Variants in ARHGAP11A observed in about 807,000 individuals in gnomAD.
The protein encoded by ARHGAP11A is Rho GTPase activating protein 11A, also known as rho GTPase-activating protein 11A.
ARHGAP11A carries 36 observed loss-of-function variants against 60.5 expected under a neutral mutation model. The observed-to-expected ratio is 0.59, with a 90% confidence interval of 0.46 to 0.79. ARHGAP11A has a LOEUF of 0.79. Among genes scored for constraint, ARHGAP11A ranks in the 30% least tolerant of loss-of-function variants. The pLI is 0.00. For synonymous variants in ARHGAP11A, 362 were observed against 415.5 expected (o/e 0.87, Z 1.57); for missense variants, 1,071 against 1,199.2 (o/e 0.89, Z 1.58).
Position 32,620,148 on chromosome 15 carries a change from C to G in ARHGAP11A, c.170C>G (p.Ser57Cys). ...GTACCTTTTAATGCACTGCCCCATT[C>G]TGCTGTACCAGAATATGGACACATT... ...FGVPFNALPHSAVPEYGHIPS... is the reference protein window; with the variant it reads ...FGVPFNALPHCAVPEYGHIPS... The change falls in exon 2 of 12, where the codon TCT becomes TGT. Residue 57 changes from serine (S) to cysteine (C), a missense_variant. This residue lies in a region of ARHGAP11A where 71 missense variants were observed against 142.4 expected (regional missense o/e 0.50). Coordinates refer to ENST00000361627, the MANE Select transcript of ARHGAP11A (RefSeq NM_014783.6). 6.2e-7 allele frequency: 1 copy of G among 1,612,172 alleles called. No individual in the cohort carries two copies. The highest frequency in any genetic ancestry group is 8.5e-7 in the Non-Finnish European group (1 of 1,179,176).
intron 3 of ARHGAP11A, 43 bp downstream of exon 3, chr15:32,623,631 T>C (rs1428794597): frequency 6.3e-7 from 1 of 1,583,984 alleles, no homozygotes. Context: ...TTGAGCCATT[T>C]TCTGATTTGG....
intron 10 of ARHGAP11A, among the ~76,000 whole-genome samples, chr15:32,634,478 C>G (rs184744303): frequency 1.6e-3 from 237 of 152,280 alleles, no homozygotes; most frequent in Non-Finnish European, 1.8e-3. Context: ...TTTGGAGCAT[C>G]CAGAACTTTG....
Position 32,615,904 on chromosome 15 carries a change from C to T in ARHGAP11A, c.-308C>T, listed in dbSNP as rs1449092425. On this transcript the variant is annotated 5_prime_UTR_variant, in exon 1 of 12. Coordinates refer to ENST00000361627, the MANE Select transcript of ARHGAP11A (RefSeq NM_014783.6). ...GCAATAGACGAGAAACCGAAAGAATCAGAAAGAAGTCTATGTGAGTAGCTG... is the reference window on the plus strand; with the variant it reads ...GCAATAGACGAGAAACCGAAAGAATTAGAAAGAAGTCTATGTGAGTAGCTG... The T allele has an allele frequency of 1.3e-5, 5 of 399,938 alleles. No individual in the cohort carries two copies. Among genetic ancestry groups the T allele is most frequent in the Non-Finnish European group, 2.2e-5 (5 of 223,564 alleles). The allele number at this position is 399,938 out of a possible 1,614,324, so 24.8% of individuals were successfully genotyped here.
chr15:32,630,724 A>C (rs1010588078), intron 8 of ARHGAP11A, among the ~76,000 whole-genome samples: 7 of 152,100 alleles, frequency 4.6e-5, no homozygotes, highest in African/African-American at 7.2e-5. Context: ...TAGCAACTTG[A>C]GGTTTTCCAG....
intron 6 of ARHGAP11A, 102 bp from the exon 7 acceptor site, chr15:32,628,626 A>T: frequency 1.2e-6 from 1 of 845,082 alleles, no homozygotes; most frequent in Admixed American, 3.1e-5. Context: ...TTATAAGCCG[A>T]TGTAAAGTTA....
chr15:32,621,325 G>C (rs2053298664), intron 2 of ARHGAP11A, among the ~76,000 whole-genome samples: 1 of 151,388 alleles, frequency 6.6e-6, no homozygotes, highest in Admixed American at 6.6e-5. Context: ...GGAGTAGCTG[G>C]GATTACAGGT....
intron 2 of ARHGAP11A, among the ~76,000 whole-genome samples, chr15:32,620,544 A>C (rs1164784044): frequency 6.6e-6 from 1 of 151,826 alleles, no homozygotes; most frequent in African/African-American, 2.4e-5. Flanking sequence ...TTAATCTCTC[A>C]TAATGTTAAA....
chr15:32,632,513 T>C (rs1488717438), intron 8 of ARHGAP11A, among the ~76,000 whole-genome samples: 4 of 152,222 alleles, frequency 2.6e-5, no homozygotes, highest in Non-Finnish European at 5.9e-5. Flanking sequence ...TGTTTGCCAA[T>C]AGCTTATTTT....
chr15:32,623,424 C>T (rs1212481216), intron 2 of ARHGAP11A, 68 bp from the exon 3 acceptor site: 17 of 1,430,090 alleles, frequency 1.2e-5, no homozygotes, highest in Non-Finnish European at 1.7e-5. Context: ...TTGGCCTGCT[C>T]ATGTATGTTA....
At chr15:32,634,145 T>A in intron 10 of ARHGAP11A, 104 bp downstream of exon 10, 1 of 752,302 alleles carries the variant, frequency 1.3e-6, no homozygotes, top group Non-Finnish European at 2.1e-6. Flanking sequence ...ACTGTCTCAT[T>A]CTGTTCTTTT....
chr15:32,629,539 A>G (rs898758834), intron 7 of ARHGAP11A, 56 bp from the exon 8 acceptor site: 2 of 1,441,784 alleles, frequency 1.4e-6, no homozygotes, highest in African/African-American at 1.4e-5. Flanking sequence ...TAAAGCTTTT[A>G]TATGTTGTCA....
At position 32,618,881 on chromosome 15, in the gene ARHGAP11A, G is replaced by A. The variant is rs570675086; in HGVS notation, c.130-1227G>A. 6.6e-5 allele frequency among the ~76,000 whole-genome samples: 10 copies of A among 152,180 alleles called. No homozygotes were observed. The South Asian group carries it at 1.9e-3, about 28-fold the overall frequency. On this transcript the variant is annotated intron_variant, in intron 1 of 11. Transcript: ENST00000361627. Reference sequence around the variant, plus strand: ...GCAGGAGAATGGGTGAACCCGGGAGGCGGAGCTTGCAGTGAGCCGAGATTG... The same window carrying A: ...GCAGGAGAATGGGTGAACCCGGGAGACGGAGCTTGCAGTGAGCCGAGATTG...
intron 2 of ARHGAP11A, among the ~76,000 whole-genome samples, chr15:32,621,556 G>T (rs545147392): frequency 6.6e-6 from 1 of 152,224 alleles, no homozygotes; most frequent in African/African-American, 2.4e-5. Flanking sequence ...CCGGGCGCCG[G>T]GGCTCACGCC....
chr15:32,635,767 T>G lies in ARHGAP11A; in HGVS notation c.1345-10T>G. On this transcript the variant is annotated splice_polypyrimidine_tract_variant and intron_variant, in intron 10 of 11. Coordinates refer to ENST00000361627, the MANE Select transcript of ARHGAP11A (RefSeq NM_014783.6). The stretch of plus-strand genomic sequence containing the variant: ...TATTTCTTAACTAAAACTTTTTTTT[T>G]TCTGTACAGAATGGATGTTCTGGTG... The G allele has an allele frequency of 6.7e-7, 1 of 1,503,014 alleles. No homozygotes were observed. The highest frequency in any genetic ancestry group is 1.4e-5 in the South Asian group (1 of 72,604). 93.1% of individuals were successfully genotyped at this position (1,503,014 alleles called of 1,614,324 possible).
At chr15:32,627,487 T>C (rs2053488723) in intron 6 of ARHGAP11A, among the ~76,000 whole-genome samples, 1 of 152,036 alleles carries the variant, frequency 6.6e-6, no homozygotes, top group South Asian at 2.1e-4. Context: ...TCCAGCACTT[T>C]GGGAGGCCAA....
Position 32,637,781 on chromosome 15 carries a change from G to C in ARHGAP11A, c.3008G>C (p.Gly1003Ala). 6.2e-7 allele frequency: 1 copy of C among 1,610,356 alleles called. No individual in the cohort carries two copies. Among genetic ancestry groups the C allele is most frequent in the Non-Finnish European group, 8.5e-7 (1 of 1,179,082 alleles). The part of the protein sequence containing the change: ...PSERGRAWYK[G>A]SPKHPIGKTQ... ...GAAAGAGGAAGGGCCTGGTACAAAG[G>C]TTCTCCAAAACATCCTATCGGAAAA... The change falls in exon 12 of 12, where the codon GGT (glycine) becomes GCT (alanine). Residue 1003 changes from glycine to alanine, a missense_variant. Gly to Ala is a moderately conservative substitution (Grantham distance 60). Coordinates refer to ENST00000361627, the MANE Select transcript of ARHGAP11A (RefSeq NM_014783.6).
chr15:32,626,182 A>C (rs1026965197), intron 6 of ARHGAP11A, among the ~76,000 whole-genome samples: 1 of 151,036 alleles, frequency 6.6e-6, no homozygotes, highest in Admixed American at 6.6e-5. Flanking sequence ...ATGATTTAAA[A>C]ATTTTAGAAA....
In ARHGAP11A at chr15:32,637,135, T is replaced by C. The variant is rs781194808; in HGVS notation, c.2362T>C (p.Leu788=). ...TATGAGAATTGCTAAACAGCAGTCATTGGAAACATGTGAGAAAACAGTTTC... is the reference window on the plus strand; with the variant it reads ...TATGAGAATTGCTAAACAGCAGTCACTGGAAACATGTGAGAAAACAGTTTC... ...RPMRIAKQQS[L]ETCEKTVSES... The change falls in exon 12 of 12, where the codon TTG becomes CTG. Residue 788 remains leucine, a synonymous_variant. Transcript: ENST00000361627. The C allele has an allele frequency of 4.3e-6, 7 of 1,614,118 alleles. No homozygotes were observed. The East Asian group carries it at 1.6e-4, about 36-fold the overall frequency.
In ARHGAP11A at chr15:32,636,753, C is replaced by T. The variant is rs2053724594; in HGVS notation, c.1980C>T (p.His660=). 1.2e-6 allele frequency: 2 copies of T among 1,613,432 alleles called. No individual in the cohort carries two copies. The highest frequency in any genetic ancestry group is 8.5e-7 in the Non-Finnish European group (1 of 1,179,896). The change falls in exon 12 of 12, where the codon CAC becomes CAT. Residue 660 remains histidine, a synonymous_variant. Coordinates refer to ENST00000361627, the MANE Select transcript of ARHGAP11A (RefSeq NM_014783.6). ...TIVESKEKYE[H]HTGKGEKCFS... The stretch of plus-strand genomic sequence containing the variant: ...TAGAATCAAAGGAGAAATATGAACA[C>T]CACACTGGTAAAGGTGAAAAATGTT...
Sources: gnomAD v4.1 joint callset for allele counts (sites outside exome capture counted in the v4.1 genomes callset) on GRCh38, gnomAD v4.1.1 for gene constraint, gnomAD v4.1.1 regional missense constraint, MANE v1.5 for transcripts, NCBI Gene and HGNC (gene_info 2026-07-23, HGNC 2026-07-21) for gene names.